DMTF1: variants seen among roughly 807,000 people sequenced by gnomAD.
DMTF1 encodes the protein cyclin-D-binding Myb-like transcription factor 1.
DMTF1 carries 39 observed loss-of-function variants against 91.1 expected under a neutral mutation model. The observed-to-expected ratio is 0.43, with a 90% confidence interval of 0.33 to 0.56. The LOEUF (loss-of-function observed/expected upper bound fraction) is 0.56. DMTF1 is among the 20% of genes least tolerant of loss of function. The pLI is 0.05. For synonymous variants in DMTF1, 338 were observed against 309.5 expected (o/e 1.09, Z -0.97); for missense variants, 750 against 914.5 (o/e 0.82, Z 2.32).
intron 10 of DMTF1, 129 bp from the exon 11 acceptor site, chr7:87,184,268 C>A: frequency 1.2e-6 from 1 of 811,304 alleles, no homozygotes; most frequent in Non-Finnish European, 1.9e-6. Context: ...TGGTTTTCCA[C>A]CAGAGGGTCA....
At chr7:87,192,229 AAAATT>A (rs1179279167) in intron 14 of DMTF1, among the ~76,000 whole-genome samples, 2 of 152,148 alleles carry the variant, frequency 1.3e-5, no homozygotes, top group Non-Finnish European at 2.9e-5. Context: ...AAAAATTGTG[AAAATT>A]AAATGTTAAG....
At chr7:87,191,360 A>C (rs1472607296) in intron 14 of DMTF1, among the ~76,000 whole-genome samples, 3 of 152,146 alleles carry the variant, frequency 2.0e-5, no homozygotes, top group Non-Finnish European at 4.4e-5. Flanking sequence ...TTCATTCAGT[A>C]AACACTGTAC....
intron 1 of DMTF1, among the ~76,000 whole-genome samples, chr7:87,154,855 T>C (rs895428858): frequency 6.6e-6 from 1 of 152,178 alleles, no homozygotes; most frequent in Admixed American, 6.5e-5. Flanking sequence ...ATAAGGTTAG[T>C]TTGATATCAC....
At chr7:87,171,236 A>G in intron 5 of DMTF1, 147 bp downstream of exon 5, 1 of 478,980 alleles carries the variant, frequency 2.1e-6, no homozygotes. Context: ...TTATGAAACA[A>G]ATTACAAAGT....
At chr7:87,162,324 G>A (rs183447543) in intron 1 of DMTF1, among the ~76,000 whole-genome samples, 41 of 152,264 alleles carry the variant, frequency 2.7e-4, no homozygotes, top group Non-Finnish European at 4.0e-4. Context: ...TCCTCCCAAA[G>A]TGCTGGGATT....
chr7:87,163,219 G>A lies in DMTF1; in HGVS notation c.-131-276G>A, dbSNP rs1277258218. 3.0e-5 allele frequency: 4 copies of A among 133,232 alleles called. No individual in the cohort carries two copies. In the East Asian group the frequency reaches 8.7e-4, roughly 29 times the overall value. The allele number at this position is 133,232 out of a possible 1,614,324, so 8.3% of individuals were successfully genotyped here. ...TAGAATCACTAGCATAGCTGAGCCT[G>A]TTTTTTTTTTTTTTTTCAGAGAACG... On this transcript the variant is annotated intron_variant, in intron 1 of 17. Coordinates refer to ENST00000331242, the MANE Select transcript of DMTF1 (RefSeq NM_001142327.2).
intron 13 of DMTF1, among the ~76,000 whole-genome samples, chr7:87,190,421 G>C (rs1407277264): frequency 2.0e-5 from 3 of 152,032 alleles, no homozygotes; most frequent in Admixed American, 6.6e-5. Context: ...CATCCATAGT[G>C]CTTACCCATA....
At chr7:87,169,388 G>A (rs1306181420) in intron 4 of DMTF1, among the ~76,000 whole-genome samples, 1 of 152,174 alleles carries the variant, frequency 6.6e-6, no homozygotes, top group African/African-American at 2.4e-5. Context: ...GAGCCTGGGA[G>A]GTTGAGGCTG....
intron 1 of DMTF1, among the ~76,000 whole-genome samples, chr7:87,159,277 A>G (rs1289909513): frequency 6.6e-6 from 1 of 152,218 alleles, no homozygotes; most frequent in Non-Finnish European, 1.5e-5. Context: ...GTTAAAATTT[A>G]AACACATCTG....
chr7:87,162,789 G>A (rs919388773), intron 1 of DMTF1: 5 of 149,314 alleles, frequency 3.3e-5, no homozygotes, highest in East Asian at 3.9e-4. Context: ...TTGCTGAAAC[G>A]TCCCCTTGAA....
chr7:87,166,564 TTGA>T lies in DMTF1; in HGVS notation c.196_198del (p.Asp66del), dbSNP rs148453627. The T allele has an allele frequency of 0.034, 54,808 of 1,612,316 alleles. 1,171 individuals are homozygous for T. The highest frequency in any genetic ancestry group is 0.067 in the Middle Eastern group (406 of 6,050). ...TTGTCCTCTGAGGATGATCAGAGTATTGATGATTCTACTCCTTGCATATCAGTT... is the reference window on the plus strand; with the variant it reads ...TTGTCCTCTGAGGATGATCAGAGTATTGATTCTACTCCTTGCATATCAGTT... On this transcript the variant is annotated inframe_deletion, in exon 4 of 18. Coordinates refer to ENST00000331242, the MANE Select transcript of DMTF1 (RefSeq NM_001142327.2).
Position 87,191,005 on chromosome 7 carries a change from T to C in DMTF1, c.1472T>C (p.Leu491Pro). Residue 491 changes from leucine to proline, a missense_variant, in exon 14 of 18, where the codon CTA (leucine) becomes CCA (proline). Around this residue, in one of 3 missense-constraint regions of DMTF1, gnomAD observed 410 missense variants for 420.2 expected, o/e 0.98. Transcript: ENST00000331242. Reference sequence around the variant, plus strand: ...ACAATAACACTAAACAGTGGAACACTACAGACATTTGAGATTCTTCCCGTG... The same window carrying C: ...ACAATAACACTAAACAGTGGAACACCACAGACATTTGAGATTCTTCCCGTG... The part of the protein sequence containing the change: ...SETITLNSGT[L>P]QTFEILPSFH... 2 of 1,606,958 alleles carry C rather than the reference T, an allele frequency of 1.2e-6. No individual in the cohort carries two copies. Among genetic ancestry groups the C allele is most frequent in the Non-Finnish European group, 1.7e-6 (2 of 1,175,716 alleles).
At chr7:87,192,457 T>A (rs1302319911) in intron 14 of DMTF1, 1 of 152,074 alleles carries the variant, frequency 6.6e-6, no homozygotes, top group Non-Finnish European at 1.5e-5. Context: ...GTCTCCACTT[T>A]AGCAATAAGG....
chr7:87,182,477 C>T lies in DMTF1; in HGVS notation c.820+140C>T. On this transcript the variant is annotated intron_variant, in intron 10 of 17. Transcript: ENST00000331242. ...GACTTTATTTTCTAGTCTTCCTTTT[C>T]CTTGAGCTTATTAGATATATCAAAC... is the stretch of plus-strand genomic sequence containing the variant. The T allele has an allele frequency of 4.0e-6, 3 of 746,348 alleles. No homozygotes were observed. The South Asian group carries it at 5.5e-5, about 14-fold the overall frequency. 46.2% of individuals were successfully genotyped at this position (746,348 alleles called of 1,614,324 possible).
chr7:87,179,298 T>C (rs1200823696), intron 7 of DMTF1, among the ~76,000 whole-genome samples: 1 of 152,108 alleles, frequency 6.6e-6, no homozygotes, highest in African/African-American at 2.4e-5. Context: ...CTTTTTATAA[T>C]TTTAAAAGAG....
intron 12 of DMTF1, chr7:87,187,073 CT>C (rs1272890874): frequency 6.6e-6 from 1 of 152,116 alleles, no homozygotes; most frequent in Non-Finnish European, 1.5e-5. Context: ...GTGAAGCATA[CT>C]TTTTGTTGCC....
intron 5 of DMTF1, among the ~76,000 whole-genome samples, chr7:87,172,098 A>C (rs912434513): frequency 1.3e-5 from 2 of 152,184 alleles, no homozygotes; most frequent in Admixed American, 6.6e-5. Flanking sequence ...TCTACATTAT[A>C]GTTCTTAAAA....
At position 87,188,076 on chromosome 7, in the gene DMTF1, A is replaced by G. The variant is rs1164818116; in HGVS notation, c.1202-16A>G. 12 of 1,604,442 alleles carry G rather than the reference A, an allele frequency of 7.5e-6. No homozygotes were observed. Among genetic ancestry groups the G allele is most frequent in the African/African-American group, 1.3e-5 (1 of 74,666 alleles). On this transcript the variant is annotated splice_polypyrimidine_tract_variant and intron_variant, in intron 12 of 17. Transcript: ENST00000331242. ...CGGAGAATCAATGTTCTTTTTGTCT[A>G]CCCATCTCCCTTCAGTCTTAATAAA... is the stretch of plus-strand genomic sequence containing the variant.
At chr7:87,194,306 A>G in intron 16 of DMTF1, 1 of 561,972 alleles carries the variant, frequency 1.8e-6, no homozygotes, top group Non-Finnish European at 3.0e-6. Context: ...CTATCTTACC[A>G]CAGTTCCTCA....
Sources: gnomAD v4.1 joint callset for allele counts (sites outside exome capture counted in the v4.1 genomes callset) on GRCh38, gnomAD v4.1.1 for gene constraint, gnomAD v4.1.1 regional missense constraint, MANE v1.5 for transcripts, NCBI Gene and HGNC (gene_info 2026-07-23, HGNC 2026-07-21) for gene names.